Variants in CYP4X1 observed in about 807,000 individuals in gnomAD.
The protein encoded by CYP4X1 is cytochrome P450 4X1.
CYP4X1 carries 44 observed loss-of-function variants against 57.9 expected under a neutral mutation model. The ratio of observed to expected loss-of-function variants is 0.76; its 90% CI spans 0.60 to 0.98. The LOEUF (loss-of-function observed/expected upper bound fraction) is 0.98. Among genes scored for constraint, CYP4X1 ranks in the 50% least tolerant of loss-of-function variants. CYP4X1 has a pLI of 0.00. For missense variants in CYP4X1, 532 were observed against 623.9 expected (o/e 0.85, Z 1.57); for synonymous variants, 227 against 228.6 (o/e 0.99, Z 0.06).
At chr1:47,002,941 T>C in the CYP4X1 span, 3 of 152,190 alleles carry the variant, frequency 2.0e-5, no homozygotes, top group Admixed American at 6.5e-5. Flanking sequence ...TCCAGAGGCA[T>C]GTACACAAGA....
the CYP4X1 span, among the ~76,000 whole-genome samples, chr1:47,011,657 C>T: frequency 1.3e-5 from 2 of 152,284 alleles, no homozygotes; most frequent in East Asian, 1.9e-4. Context: ...ACAATCTACC[C>T]ATCTGGCAAA....
the CYP4X1 span, among the ~76,000 whole-genome samples, chr1:46,963,743 G>A: frequency 1.3e-5 from 2 of 152,104 alleles, no homozygotes; most frequent in African/African-American, 2.4e-5. Context: ...TCTTCTTGAC[G>A]AGTATCTTTG....
the CYP4X1 span, among the ~76,000 whole-genome samples, chr1:46,981,125 G>C: frequency 6.6e-6 from 1 of 152,088 alleles, no homozygotes; most frequent in Non-Finnish European, 1.5e-5. Flanking sequence ...AGCCAAAATT[G>C]ACAAATGGGA....
At chr1:47,025,610 C>A (rs1160712824) in intron 1 of CYP4X1, among the ~76,000 whole-genome samples, 4 of 152,026 alleles carry the variant, frequency 2.6e-5, no homozygotes, top group African/African-American at 4.8e-5. Context: ...CATTTTATTT[C>A]TTTTCTCATA....
At chr1:46,996,006 C>T in the CYP4X1 span, among the ~76,000 whole-genome samples, 1 of 152,148 alleles carries the variant, frequency 6.6e-6, no homozygotes, top group Non-Finnish European at 1.5e-5. Flanking sequence ...CTGGTTTTGG[C>T]TGTTTCTGTC....
At chr1:47,006,861 A>AG in the CYP4X1 span, among the ~76,000 whole-genome samples, 1 of 152,226 alleles carries the variant, frequency 6.6e-6, no homozygotes, top group Non-Finnish European at 1.5e-5. Context: ...TCAAACTGCA[A>AG]GGCGGCAGCG....
chr1:46,981,700 C>G, the CYP4X1 span, among the ~76,000 whole-genome samples: 1 of 152,172 alleles, frequency 6.6e-6, no homozygotes, highest in East Asian at 1.9e-4. Flanking sequence ...TATTGCGGCA[C>G]TATTCACAGT....
chr1:47,048,429 G>C, intron 9 of CYP4X1, 136 bp from the exon 10 acceptor site: 1 of 905,136 alleles, frequency 1.1e-6, no homozygotes, highest in Non-Finnish European at 1.9e-6. Flanking sequence ...CTCCTCACTG[G>C]TGTCATCAGC....
the CYP4X1 span, among the ~76,000 whole-genome samples, chr1:46,971,549 A>G: frequency 6.6e-6 from 1 of 152,210 alleles, no homozygotes; most frequent in African/African-American, 2.4e-5. Flanking sequence ...GCACCATATA[A>G]GCATTGCCTT....
At chr1:46,993,465 G>A in the CYP4X1 span, among the ~76,000 whole-genome samples, 144 of 152,292 alleles carry the variant, frequency 9.5e-4, no homozygotes, top group African/African-American at 3.0e-3. Context: ...GGATGGCTGC[G>A]TCAAATGGTA....
downstream of CYP4X1, among the ~76,000 whole-genome samples, chr1:47,051,704 C>A (rs1224706453): frequency 6.6e-6 from 1 of 152,034 alleles, no homozygotes; most frequent in African/African-American, 2.4e-5. Context: ...CGTCTAAAAC[C>A]AAATTTGTTT....
At chr1:46,982,178 T>C in the CYP4X1 span, among the ~76,000 whole-genome samples, 1 of 152,224 alleles carries the variant, frequency 6.6e-6, no homozygotes, top group Admixed American at 6.5e-5. Flanking sequence ...TATTGTACTA[T>C]GTTTTTTCAG....
chr1:46,981,567 A>G, the CYP4X1 span, among the ~76,000 whole-genome samples: 1 of 152,242 alleles, frequency 6.6e-6, no homozygotes, highest in Non-Finnish European at 1.5e-5. Flanking sequence ...TGTGAAAGAC[A>G]GTGTGGTGAT....
chr1:46,981,442 A>G, the CYP4X1 span, among the ~76,000 whole-genome samples: 67 of 152,346 alleles, frequency 4.4e-4, no homozygotes, highest in African/African-American at 1.4e-3. Context: ...ATACCATCTC[A>G]CACCAGTTAG....
chr1:47,038,848 G>A (rs1052807789), intron 7 of CYP4X1, 82 bp downstream of exon 7: 4 of 1,083,158 alleles, frequency 3.7e-6, no homozygotes, highest in African/African-American at 3.2e-5. Context: ...GGGATGGGGA[G>A]ACAAGAATAA....
the CYP4X1 span, among the ~76,000 whole-genome samples, chr1:46,998,757 GAGAAGT>G: frequency 0.27 from 41,132 of 151,536 alleles, 5,803 homozygotes; most frequent in East Asian, 0.51. Context: ...TGTATATGGT[GAGAAGT>G]AGGAGTCCAG....
At chr1:46,981,609 T>A in the CYP4X1 span, among the ~76,000 whole-genome samples, 1 of 152,216 alleles carries the variant, frequency 6.6e-6, no homozygotes, top group Non-Finnish European at 1.5e-5. Context: ...AAATACCATT[T>A]GACCCAGCCA....
the CYP4X1 span, among the ~76,000 whole-genome samples, chr1:47,014,804 G>A: frequency 6.6e-6 from 1 of 152,086 alleles, no homozygotes; most frequent in African/African-American, 2.4e-5. Flanking sequence ...GGGTGGAGAA[G>A]TATGAGCCTT....
Position 47,039,377 on chromosome 1 carries a change from A to G in CYP4X1, c.918A>G (p.Val306=), listed in dbSNP as rs1346545700. ...ESGSSFSDID[V]HSEVSTFLLA... is the part of the protein sequence containing the mutation. ...GTAGCAGCTTCTCAGATATTGATGTACACTCTGAAGTGAGCACATTCCTGT... is the reference window on the plus strand; with the variant it reads ...GTAGCAGCTTCTCAGATATTGATGTGCACTCTGAAGTGAGCACATTCCTGT... Residue 306 remains valine, a synonymous_variant, in exon 8 of 12, where the codon GTA becomes GTG. Coordinates refer to ENST00000371901, the MANE Select transcript of CYP4X1 (RefSeq NM_178033.2). 6.2e-7 allele frequency: 1 copy of G among 1,610,102 alleles called. No homozygotes were observed. The highest frequency in any genetic ancestry group is 1.3e-5 in the African/African-American group (1 of 74,586).
Sources: allele counts gnomAD v4.1 joint callset (sites outside exome capture counted in the v4.1 genomes callset), GRCh38; gene constraint gnomAD v4.1.1; transcripts MANE v1.5; gene names NCBI Gene and HGNC (gene_info 2026-07-23, HGNC 2026-07-21).